The following MGAT4C variants were observed in gnomAD, a reference collection of about 807,000 sequenced individuals.
MGAT4C encodes the protein alpha-1,3-mannosyl-glycoprotein 4-beta-N-acetylglucosaminyltransferase C.
A neutral mutation model predicts 40.1 loss-of-function variants in MGAT4C; 19 were observed. The ratio of observed to expected loss-of-function variants is 0.47; its 90% confidence interval spans 0.33 to 0.70. The LOEUF (loss-of-function observed/expected upper bound fraction) is 0.70. Ranked by LOEUF, MGAT4C falls within the 30% of genes least tolerant of loss-of-function variation. MGAT4C has a pLI of 0.02. For synonymous variants in MGAT4C, 181 were observed against 187.1 expected (o/e 0.97, Z 0.27); for missense variants, 491 against 563.2 (o/e 0.87, Z 1.30).
chr12:86,273,970 A>C (rs545206837), intron 4 of MGAT4C, among the ~76,000 whole-genome samples: 6 of 152,308 alleles, frequency 3.9e-5, no homozygotes, highest in Admixed American at 3.9e-4. Flanking sequence ...TAACTGGTTG[A>C]CAGTTCCACA....
chr12:86,507,006 C>T lies in MGAT4C; in HGVS notation c.-228-71741G>A, dbSNP rs188576636. On this transcript the variant is annotated intron_variant, in intron 2 of 7. Coordinates refer to the MGAT4C transcript ENST00000548651. Reference sequence around the variant, plus strand: ...CCATCTTAAAAGAATGCTTGGGAGACTGAGAATTAGAAGACAAAGAAAAAT... The same window carrying T: ...CCATCTTAAAAGAATGCTTGGGAGATTGAGAATTAGAAGACAAAGAAAAAT... Among the ~76,000 whole-genome samples the T allele has an allele frequency of 2.5e-3, 380 of 152,150 alleles. 3 individuals are homozygous for T. Among genetic ancestry groups the T allele is most frequent in the Non-Finnish European group, 4.4e-3 (301 of 67,984 alleles).
intron 3 of MGAT4C, among the ~76,000 whole-genome samples, chr12:86,371,000 G>A (rs1955704515): frequency 6.6e-6 from 1 of 152,002 alleles, no homozygotes; most frequent in South Asian, 2.1e-4. Context: ...CAGAGAGGCT[G>A]CAAGTTTAGA....
intron 3 of MGAT4C, among the ~76,000 whole-genome samples, chr12:86,423,856 A>T (rs2136259774): frequency 6.6e-6 from 1 of 152,352 alleles, no homozygotes; most frequent in South Asian, 2.1e-4. Context: ...TCTTGTTTTA[A>T]AAATGTATCT....
intron 1 of MGAT4C, among the ~76,000 whole-genome samples, chr12:86,734,498 C>T (rs1950956047): frequency 6.6e-6 from 1 of 152,014 alleles, no homozygotes; most frequent in South Asian, 2.1e-4. Context: ...TACAAATCCT[C>T]AGCCCCAATG....
chr12:86,231,674 G>A (rs1951328645), intron 1 of MGAT4C, among the ~76,000 whole-genome samples: 1 of 152,038 alleles, frequency 6.6e-6, no homozygotes, highest in Non-Finnish European at 1.5e-5. Context: ...TATCTTAGAT[G>A]TACCCAGTTA....
chr12:86,679,063 C>T (rs1393321595), intron 2 of MGAT4C, among the ~76,000 whole-genome samples: 2 of 152,056 alleles, frequency 1.3e-5, no homozygotes, highest in East Asian at 1.9e-4. Flanking sequence ...AAAAGTGTTC[C>T]TATGTCTCCA....
chr12:86,682,299 A>T (rs1010668859), intron 2 of MGAT4C, among the ~76,000 whole-genome samples: 2 of 152,062 alleles, frequency 1.3e-5, no homozygotes, highest in African/African-American at 4.8e-5. Context: ...ATTTTATTGA[A>T]TCTTAACAAA....
chr12:86,438,229 T>C (rs1957170347), intron 2 of MGAT4C, among the ~76,000 whole-genome samples: 1 of 151,878 alleles, frequency 6.6e-6, no homozygotes, highest in African/African-American at 2.4e-5. Flanking sequence ...CAGGATAAAA[T>C]ATCAAACCAG....
At chr12:86,269,457 C>T (rs997546440) in intron 4 of MGAT4C, among the ~76,000 whole-genome samples, 3 of 151,768 alleles carry the variant, frequency 2.0e-5, no homozygotes, top group East Asian at 3.9e-4. Context: ...AATTTAACTA[C>T]AGTCATAAAA....
intron 2 of MGAT4C, chr12:86,028,092 T>A: frequency 7.8e-7 from 1 of 1,276,902 alleles, no homozygotes; most frequent in Non-Finnish European, 1.0e-6. Flanking sequence ...AACTACCTTT[T>A]CTAAATAATA....
intron 3 of MGAT4C, among the ~76,000 whole-genome samples, chr12:86,349,230 T>A (rs1398794768): frequency 6.6e-6 from 1 of 152,158 alleles, no homozygotes; most frequent in African/African-American, 2.4e-5. Flanking sequence ...ACCAACACTA[T>A]GAATTTATCT....
At chr12:86,758,333 G>A (rs1230578492) in intron 1 of MGAT4C, among the ~76,000 whole-genome samples, 1 of 148,902 alleles carries the variant, frequency 6.7e-6, no homozygotes, top group Non-Finnish European at 1.5e-5. Flanking sequence ...GCTGCAAAAT[G>A]TTAGAAAATA....
In MGAT4C at chr12:86,811,151, A is replaced by G. The variant is rs908589096; in HGVS notation, c.-262+27515T>C. Among the ~76,000 whole-genome samples the G allele has an allele frequency of 1.3e-5, 2 of 151,096 alleles. 1 individual carries two copies. The highest frequency in any genetic ancestry group is 3.0e-5 in the Non-Finnish European group (2 of 67,660). On this transcript the variant is annotated intron_variant, in intron 1 of 7. Coordinates refer to the MGAT4C transcript ENST00000548651. ...CAATGTCATTGTTGGCAGGGGACAC[A>G]TTCTGTTGTGATTCTCTAGTGAAAC...
chr12:86,199,125 T>G (rs1047347261), intron 1 of MGAT4C, among the ~76,000 whole-genome samples: 3 of 152,036 alleles, frequency 2.0e-5, no homozygotes, highest in Admixed American at 2.0e-4. Context: ...CTACTGCTAC[T>G]GCTGCTGCTG....
At chr12:86,526,229 AGGAGCAGG>A (rs1358829986) in intron 2 of MGAT4C, among the ~76,000 whole-genome samples, 2 of 152,082 alleles carry the variant, frequency 1.3e-5, no homozygotes, top group African/African-American at 4.8e-5. Flanking sequence ...GGGTGCTGGC[AGGAGCAGG>A]GTTGGCCGGC....
At chr12:86,413,924 G>T (rs540127797) in intron 3 of MGAT4C, among the ~76,000 whole-genome samples, 20 of 152,256 alleles carry the variant, frequency 1.3e-4, no homozygotes, top group African/African-American at 4.6e-4. Context: ...AGCAGGAAGA[G>T]AAGAGAGAAT....
intron 1 of MGAT4C, among the ~76,000 whole-genome samples, chr12:86,139,608 G>C (rs1276701567): frequency 6.6e-6 from 1 of 151,600 alleles, no homozygotes; most frequent in Admixed American, 6.6e-5. Context: ...AATTTCTAAA[G>C]ATTAACTTAA....
intron 2 of MGAT4C, among the ~76,000 whole-genome samples, chr12:86,470,574 T>C (rs1325852996): frequency 6.6e-6 from 1 of 152,174 alleles, no homozygotes; most frequent in East Asian, 1.9e-4. Flanking sequence ...ATTTTAGGAA[T>C]TGAATCTTAT....
intron 1 of MGAT4C, among the ~76,000 whole-genome samples, chr12:86,200,950 G>T: frequency 6.6e-6 from 1 of 152,240 alleles, no homozygotes; most frequent in Middle Eastern, 3.4e-3. Context: ...GAAGGCAGCC[G>T]TCTACAAGCC....
Sources: allele counts gnomAD v4.1 joint callset (sites outside exome capture counted in the v4.1 genomes callset), GRCh38; gene constraint gnomAD v4.1.1; transcripts MANE v1.5; gene names NCBI Gene and HGNC (gene_info 2026-07-23, HGNC 2026-07-21).